TFRC: variants seen among roughly 807,000 people sequenced by gnomAD.
TFRC encodes transferrin receptor.
A neutral mutation model predicts 85.8 loss-of-function variants in TFRC; 35 were observed. That is an observed-to-expected ratio of 0.41 (90% confidence interval 0.31 to 0.54). TFRC has a LOEUF of 0.54. Among genes scored for constraint, TFRC ranks in the 20% least tolerant of loss-of-function variants. The pLI is 0.31. For synonymous variants in TFRC, 362 were observed against 328.6 expected (o/e 1.10, Z -1.10); for missense variants, 828 against 921.5 (o/e 0.90, Z 1.31).
Position 196,053,481 on chromosome 3 carries a change from A to G in TFRC, c.1977T>C (p.Asp659=), listed in dbSNP as rs781569203. ...FFRATSRLTT[D]FGNAEKTDRF... ...TGTCTGTTTTCTCAGCATTCCCGAA[A>G]TCTGTTGTTAGTCTGGAAGTAGCAC... Residue 659 remains aspartate (D), a synonymous_variant, in exon 18 of 19, where the codon GAT becomes GAC. Coordinates refer to ENST00000360110, the MANE Select transcript of TFRC (RefSeq NM_001128148.3). 1.2e-6 allele frequency: 2 copies of G among 1,614,194 alleles called. No individual in the cohort carries two copies. Among genetic ancestry groups the G allele is most frequent in the South Asian group, 2.2e-5 (2 of 91,086 alleles).
intron 1 of TFRC, among the ~76,000 whole-genome samples, chr3:196,079,096 G>A (rs1560093972): frequency 1.3e-5 from 2 of 152,048 alleles, no homozygotes; most frequent in Non-Finnish European, 2.9e-5. Context: ...GAGCCACTGC[G>A]CCCAGCCAGA....
intron 1 of TFRC, among the ~76,000 whole-genome samples, chr3:196,078,993 G>T (rs1354078078): frequency 6.6e-6 from 1 of 151,948 alleles, no homozygotes; most frequent in African/African-American, 2.4e-5. Context: ...AGGCTGGTCT[G>T]GAACTTCTGA....
chr3:196,051,646 C>A lies in TFRC; in HGVS notation c.*296G>T. On this transcript the variant is annotated 3_prime_UTR_variant, in exon 19 of 19. Transcript: ENST00000360110. ...GATCATTCACATAACTGGTTTCTGA[C>A]ATTTTCATTAACAACAACAGGAAAG... 1 of 365,412 alleles carries A rather than the reference C, an allele frequency of 2.7e-6. No homozygotes were observed. 22.6% of individuals were successfully genotyped at this position (365,412 alleles called of 1,614,324 possible).
chr3:196,055,650 T>C (rs1716716355), intron 16 of TFRC: 1 of 333,216 alleles, frequency 3.0e-6, no homozygotes, highest in Non-Finnish European at 5.7e-6. Flanking sequence ...AGAAGATACA[T>C]GAAACATACC....
intron 16 of TFRC, among the ~76,000 whole-genome samples, chr3:196,057,781 C>CA (rs370832734): frequency 0.07 from 5,406 of 77,120 alleles, 125 homozygotes; most frequent in Admixed American, 0.096. Context: ...TCACCATTGT[C>CA]AAAAAAAAAA....
intron 6 of TFRC, among the ~76,000 whole-genome samples, chr3:196,070,897 C>T (rs2108652369): frequency 6.6e-6 from 1 of 152,036 alleles, no homozygotes. Flanking sequence ...GTGAGCCAAG[C>T]TCACGCCACT....
At chr3:196,052,504 G>A (rs947136366) in intron 18 of TFRC, among the ~76,000 whole-genome samples, 8 of 151,768 alleles carry the variant, frequency 5.3e-5, no homozygotes, top group African/African-American at 1.9e-4. Flanking sequence ...ACAATGGCGC[G>A]ATCTCAGCTC....
rs867740041 is a variant in TFRC, at chr3:196,072,040, G to A, written c.547C>T (p.Arg183Cys). ...TGAATCTTAACAAAATGTTGATCAC[G>A]CCAGACTTTGCTGAGTTTAAATTCA... ...FREFKLSKVW[R>C]DQHFVKIQVK... Residue 183 changes from arginine to cysteine, a missense_variant, in exon 5 of 19, where the codon CGT becomes TGT. Physicochemically the swap from Arg to Cys is radical, Grantham distance 180 (BLOSUM62 -3). Coordinates refer to ENST00000360110, the MANE Select transcript of TFRC (RefSeq NM_001128148.3). The A allele has an allele frequency of 5.6e-6, 9 of 1,613,880 alleles. No homozygotes were observed. Among genetic ancestry groups the A allele is most frequent in the Admixed American group, 3.3e-5 (2 of 59,966 alleles).
At chr3:196,063,595 A>G (rs1717462289) in intron 11 of TFRC, among the ~76,000 whole-genome samples, 1 of 152,136 alleles carries the variant, frequency 6.6e-6, no homozygotes, top group African/African-American at 2.4e-5. Flanking sequence ...GTGGGTGGGT[A>G]GGAGTGTGAA....
In TFRC at chr3:196,071,482, T is replaced by C. The variant is rs751022090; in HGVS notation, c.601A>G (p.Ile201Val). 6.2e-7 allele frequency: 1 copy of C among 1,613,964 alleles called. No homozygotes were observed. Among genetic ancestry groups the C allele is most frequent in the African/African-American group, 1.3e-5 (1 of 74,922 alleles). The change falls in exon 6 of 19, where the codon ATC (isoleucine) becomes GTC (valine). Residue 201 changes from isoleucine to valine, a missense_variant. Physicochemically the swap from Ile to Val is conservative, Grantham distance 29. Transcript: ENST00000360110. ...QVKDSAQNSV[I>V]IVDKNGRLVY... ...AGTCTACCGTTCTTATCAACTATGA[T>C]CACCGAGTTTTGAGCGCTGTTAAAA...
chr3:196,067,736 C>A, intron 8 of TFRC, 79 bp from the exon 9 acceptor site: 1 of 1,514,888 alleles, frequency 6.6e-7, no homozygotes, highest in South Asian at 1.3e-5. Context: ...TGGTATAAGG[C>A]TGCAGCCCAA....
intron 15 of TFRC, 57 bp from the exon 16 acceptor site, chr3:196,058,422 C>G: frequency 1.3e-6 from 2 of 1,535,860 alleles, no homozygotes; most frequent in Non-Finnish European, 1.8e-6. Flanking sequence ...ACTGTTCTAT[C>G]GTGCTAGTCC....
intron 16 of TFRC, chr3:196,055,515 T>G: frequency 1.7e-6 from 1 of 586,452 alleles, no homozygotes; most frequent in Non-Finnish European, 3.0e-6. Context: ...AGTGACTACT[T>G]TCTTCCAGGT....
chr3:196,079,998 TG>T (rs1719034498), intron 1 of TFRC, among the ~76,000 whole-genome samples: 1 of 152,246 alleles, frequency 6.6e-6, no homozygotes, highest in South Asian at 2.1e-4. Flanking sequence ...TTAACAGTAC[TG>T]GGGCATGCCT....
chr3:196,057,386 C>T (rs920602009), intron 16 of TFRC, among the ~76,000 whole-genome samples: 2 of 152,116 alleles, frequency 1.3e-5, no homozygotes, highest in Non-Finnish European at 2.9e-5. Flanking sequence ...ACGCAGACTC[C>T]CTTAGTTGTA....
intron 14 of TFRC, 112 bp downstream of exon 14, chr3:196,060,068 T>C: frequency 3.8e-6 from 3 of 790,066 alleles, no homozygotes; most frequent in Non-Finnish European, 2.0e-6. Context: ...TAAAATTTAT[T>C]CTCAATTCCT....
intron 6 of TFRC, 145 bp downstream of exon 6, chr3:196,071,251 G>T: frequency 1.6e-6 from 1 of 627,576 alleles, no homozygotes; most frequent in Non-Finnish European, 2.8e-6. Flanking sequence ...AATGCATGTT[G>T]ACTGTGTCAT....
intron 1 of TFRC, among the ~76,000 whole-genome samples, chr3:196,078,925 C>G (rs372405974): frequency 3.3e-5 from 5 of 151,872 alleles, no homozygotes; most frequent in African/African-American, 1.2e-4. Flanking sequence ...AGGTGCCCAC[C>G]ACCATGCCCA....
intron 15 of TFRC, 81 bp downstream of exon 15, chr3:196,058,493 G>T: frequency 6.7e-7 from 1 of 1,495,536 alleles, no homozygotes; most frequent in Non-Finnish European, 9.2e-7. Context: ...TCAATGCAAG[G>T]ACAGATTTAG....
Sources: gnomAD v4.1 joint callset for allele counts (sites outside exome capture counted in the v4.1 genomes callset) on GRCh38, gnomAD v4.1.1 for gene constraint, MANE v1.5 for transcripts, NCBI Gene and HGNC (gene_info 2026-07-23, HGNC 2026-07-21) for gene names.